MMUT: variants seen among roughly 807,000 people sequenced by gnomAD.
MMUT encodes the protein methylmalonyl-CoA mutase.
MMUT carries 79 observed loss-of-function variants against 79.9 expected under a neutral mutation model. That is an observed-to-expected ratio of 0.99 (90% CI 0.82 to 1.19). The LOEUF is 1.19. MMUT is among the 50% of genes most tolerant of loss of function. The pLI is 0.00. For synonymous variants in MMUT, 273 were observed against 295.7 expected (o/e 0.92, Z 0.79); for missense variants, 860 against 917.2 (o/e 0.94, Z 0.81).
intron 11 of MMUT, among the ~76,000 whole-genome samples, chr6:49,439,156 A>C (rs1212715560): frequency 1.3e-5 from 2 of 152,164 alleles, no homozygotes; most frequent in Non-Finnish European, 2.9e-5. Context: ...TGATGATGGA[A>C]TGCTGCTGTG....
At chr6:49,443,906 A>G (rs6458690) in intron 9 of MMUT, 125,347 of 342,034 alleles carry the variant, frequency 0.37, 22,848 homozygotes, top group African/African-American at 0.41. Context: ...GAGCATGTTA[A>G]GGGTTACAAA....
intron 1 of MMUT, among the ~76,000 whole-genome samples, chr6:49,462,174 A>G (rs1231180818): frequency 6.6e-6 from 1 of 152,230 alleles, no homozygotes; most frequent in Non-Finnish European, 1.5e-5. Flanking sequence ...AAGACCATCA[A>G]GAGAGGCCTC....
chr6:49,431,961 A>G (rs1561949022), intron 12 of MMUT, 105 bp from the exon 13 acceptor site: 2 of 1,319,976 alleles, frequency 1.5e-6, no homozygotes, highest in Non-Finnish European at 2.2e-6. Context: ...AAACCTTCTC[A>G]ACTGGTATAC....
At chr6:49,456,001 TA>T in intron 4 of MMUT, 78 bp downstream of exon 4, 1 of 1,219,030 alleles carries the variant, frequency 8.2e-7, no homozygotes, top group Non-Finnish European at 1.2e-6. Flanking sequence ...TTTATATTTA[TA>T]AATTCATTTT....
In MMUT at chr6:49,441,878, T is replaced by G; in HGVS notation, c.1770A>C (p.Glu590Asp). The change falls in exon 10 of 13, where the codon GAA becomes GAC. Residue 590 changes from glutamate (E) to aspartate (D), a missense_variant. By Grantham distance (45) the Glu-to-Asp change is conservative (BLOSUM62 2). Coordinates refer to ENST00000274813, the MANE Select transcript of MMUT (RefSeq NM_000255.4). Reference protein sequence around the residue: ...DRMVSGAYRQEFGESKEITSA... With the variant: ...DRMVSGAYRQDFGESKEITSA... ...ATGTTATCTCTTTACTTTCTCCAAA[T>G]TCCTGGCGATATGCTCCACTCACCA... 1 of 1,612,122 alleles carries G rather than the reference T, an allele frequency of 6.2e-7. No homozygotes were observed. Among genetic ancestry groups the G allele is most frequent in the Non-Finnish European group, 8.5e-7 (1 of 1,178,752 alleles).
chr6:49,442,702 C>T (rs1767308225), intron 9 of MMUT, among the ~76,000 whole-genome samples: 1 of 151,880 alleles, frequency 6.6e-6, no homozygotes, highest in East Asian at 1.9e-4. Flanking sequence ...GAACATAAAA[C>T]AGTAAGAGTG....
rs914182443 is a variant in MMUT, at chr6:49,432,009, G to T, written c.2125-153C>A. On this transcript the variant is annotated intron_variant, in intron 12 of 12. Coordinates refer to ENST00000274813, the MANE Select transcript of MMUT (RefSeq NM_000255.4). ...GGGCTAAAAAATTCTTCCTTGATTG[G>T]GAGTGCTACTAATAGTCATCAGCAC... Among the ~76,000 whole-genome samples, 4 of 152,030 alleles carry T rather than the reference G, an allele frequency of 2.6e-5. No individual in the cohort carries two copies. In the East Asian group the frequency reaches 7.7e-4, roughly 29 times the overall value.
At chr6:49,462,365 G>A (rs1217047695) in intron 1 of MMUT, among the ~76,000 whole-genome samples, 2 of 152,280 alleles carry the variant, frequency 1.3e-5, no homozygotes, top group East Asian at 3.9e-4. Context: ...ACTTCAAGAA[G>A]GTACTTTGAT....
rs748892245 is a variant in MMUT at position 49,431,829 on chromosome 6, CACCA to C, written c.2148_2151del (p.Gly717PhefsTer40). ...GTCCCAGGACCAAATACATTGGAAA[CACCA>C]ACTTCAAACAGAAATTCATAATCCT... On this transcript the variant is annotated frameshift_variant, in exon 13 of 13. Transcript: ENST00000274813. LOFTEE classifies it high-confidence loss of function. 6.2e-7 allele frequency: 1 copy of C among 1,613,722 alleles called. No homozygotes were observed. Among genetic ancestry groups the C allele is most frequent in the Non-Finnish European group, 8.5e-7 (1 of 1,179,662 alleles).
At chr6:49,454,740 T>C (rs1179876830) in intron 4 of MMUT, among the ~76,000 whole-genome samples, 1 of 152,246 alleles carries the variant, frequency 6.6e-6, no homozygotes, top group Non-Finnish European at 1.5e-5. Context: ...TTTTATTTAC[T>C]AGTTCATTCA....
At chr6:49,439,504 T>C (rs756068158) in intron 11 of MMUT, among the ~76,000 whole-genome samples, 38 of 152,122 alleles carry the variant, frequency 2.5e-4, no homozygotes, top group Non-Finnish European at 5.0e-4. Flanking sequence ...CCTGGACCTG[T>C]TGCAGAGCCT....
intron 8 of MMUT, among the ~76,000 whole-genome samples, chr6:49,446,694 C>T (rs1376185089): frequency 6.6e-6 from 1 of 151,790 alleles, no homozygotes. Context: ...TAAATGTTAA[C>T]TATTATTGCT....
intron 10 of MMUT, 105 bp downstream of exon 10, chr6:49,441,735 A>G: frequency 2.0e-6 from 2 of 1,016,898 alleles, no homozygotes; most frequent in Non-Finnish European, 2.6e-6. Flanking sequence ...ATAAAATTCA[A>G]AAATTTTCTC....
At chr6:49,457,604 TA>T in intron 3 of MMUT, 86 bp downstream of exon 3, 1 of 1,183,384 alleles carries the variant, frequency 8.5e-7, no homozygotes. Context: ...TTACTCAGAC[TA>T]AATTTTTAAA....
chr6:49,448,703 C>G (rs1022912835), intron 7 of MMUT, 113 bp downstream of exon 7: 1 of 883,138 alleles, frequency 1.1e-6, no homozygotes, highest in Non-Finnish European at 1.9e-6. Flanking sequence ...AAAATTTACC[C>G]AAGTTCCATT....
At chr6:49,443,061 T>C (rs1057506662) in intron 9 of MMUT, among the ~76,000 whole-genome samples, 1 of 152,100 alleles carries the variant, frequency 6.6e-6, no homozygotes, top group Non-Finnish European at 1.5e-5. Flanking sequence ...AAATAAACAC[T>C]TAAAAGCAAA....
chr6:49,436,357 G>C (rs896007531), intron 11 of MMUT, among the ~76,000 whole-genome samples: 4 of 152,086 alleles, frequency 2.6e-5, no homozygotes, highest in African/African-American at 9.7e-5. Flanking sequence ...TGTAATTCTA[G>C]CACTTTGGGA....
chr6:49,431,903 T>G (rs1336757196), intron 12 of MMUT, 47 bp from the exon 13 acceptor site: 2 of 1,588,970 alleles, frequency 1.3e-6, no homozygotes, highest in Admixed American at 1.7e-5. Flanking sequence ...ATTTCCATTT[T>G]CACGGAAATA....
In MMUT at chr6:49,451,579, TC is replaced by T. The variant is rs1050465802; in HGVS notation, c.1218del (p.Asn407ThrfsTer24). ...LPTVKSARIA[R>X]NTQIIIQEES... is the part of the protein sequence containing the mutation. ...TCTTCTTGAATGATGATTTGTGTGT[TC>T]CTGGCAATTCGAGCACTTTTCACAG... On this transcript the variant is annotated frameshift_variant, in exon 6 of 13. Transcript: ENST00000274813. LOFTEE classifies it high-confidence loss of function. 2 of 1,614,078 alleles carry T rather than the reference TC, an allele frequency of 1.2e-6. No homozygotes were observed. The highest frequency in any genetic ancestry group is 2.7e-5 in the African/African-American group (2 of 74,950).
Sources: allele counts gnomAD v4.1 joint callset (sites outside exome capture counted in the v4.1 genomes callset), GRCh38; gene constraint gnomAD v4.1.1; transcripts MANE v1.5; gene names NCBI Gene and HGNC (gene_info 2026-07-23, HGNC 2026-07-21).